Variants in RARB observed in about 807,000 individuals in gnomAD.
The protein encoded by RARB is retinoic acid receptor beta.
In RARB, 17 loss-of-function variants were observed where a neutral mutation model predicts 51.9. That is an observed-to-expected ratio of 0.33 (90% CI 0.22 to 0.49). The LOEUF (loss-of-function observed/expected upper bound fraction) is 0.49. Among genes scored for constraint, RARB ranks in the 20% least tolerant of loss-of-function variants. RARB has a pLI of 0.99. For missense variants in RARB, 369 were observed against 550.8 expected (o/e 0.67, Z 3.30); for synonymous variants, 215 against 195.4 (o/e 1.10, Z -0.84).
At chr3:24,995,117 A>G (rs1462106061) in intron 2 of RARB, among the ~76,000 whole-genome samples, 5 of 152,116 alleles carry the variant, frequency 3.3e-5, no homozygotes. Context: ...CTTCCAATTC[A>G]TGAACGTGAG....
At chr3:24,882,147 A>G (rs1575051956) in intron 2 of RARB, among the ~76,000 whole-genome samples, 1 of 152,266 alleles carries the variant, frequency 6.6e-6, no homozygotes, top group African/African-American at 2.4e-5. Flanking sequence ...GATTTAGTAA[A>G]TAACATTCTG....
chr3:25,307,243 C>T (rs150125335), intron 5 of RARB, among the ~76,000 whole-genome samples: 2,321 of 152,010 alleles, frequency 0.015, 47 homozygotes, highest in African/African-American at 0.049. Context: ...AAAAATTAGC[C>T]GGGTGTGGTG....
At chr3:25,239,958 G>C (rs1448616523) in intron 5 of RARB, among the ~76,000 whole-genome samples, 2 of 151,454 alleles carry the variant, frequency 1.3e-5, no homozygotes, top group African/African-American at 4.8e-5. Flanking sequence ...GATTTCTTCA[G>C]TTTCTTTCAT....
intron 3 of RARB, among the ~76,000 whole-genome samples, chr3:25,100,210 G>A (rs997123162): frequency 6.6e-6 from 1 of 151,982 alleles, no homozygotes; most frequent in Admixed American, 6.5e-5. Context: ...TACAGCCTGG[G>A]GGATGTGAAA....
chr3:24,944,963 CA>C (rs1695743189), intron 2 of RARB, among the ~76,000 whole-genome samples: 1 of 152,122 alleles, frequency 6.6e-6, no homozygotes. Context: ...AAAGTGCCCA[CA>C]AAGCACAAAG....
intron 3 of RARB, among the ~76,000 whole-genome samples, chr3:25,085,279 A>T (rs1249295697): frequency 1.3e-5 from 2 of 152,194 alleles, no homozygotes; most frequent in Non-Finnish European, 2.9e-5. Flanking sequence ...ATGGTAACAC[A>T]TCCTACATTG....
chr3:25,179,633 G>C (rs1197847969), intron 5 of RARB, among the ~76,000 whole-genome samples: 1 of 152,120 alleles, frequency 6.6e-6, no homozygotes, highest in Non-Finnish European at 1.5e-5. Flanking sequence ...CTCCCTCATT[G>C]GCTTAGGGAG....
At chr3:25,555,114 T>G (rs1334874204) in intron 3 of RARB, among the ~76,000 whole-genome samples, 1 of 152,104 alleles carries the variant, frequency 6.6e-6, no homozygotes, top group Non-Finnish European at 1.5e-5. Context: ...CCTGTAAATA[T>G]TTGAATAAAA....
chr3:25,088,738 G>T (rs1699145707), intron 3 of RARB, among the ~76,000 whole-genome samples: 1 of 152,116 alleles, frequency 6.6e-6, no homozygotes, highest in African/African-American at 2.4e-5. Flanking sequence ...AGATATATTT[G>T]CTATTCCAAA....
chr3:25,596,630 T>C lies in RARB; in HGVS notation c.*14T>C. 1 of 1,564,788 alleles carries C rather than the reference T, an allele frequency of 6.4e-7. No homozygotes were observed. The highest frequency in any genetic ancestry group is 1.1e-5 in the South Asian group (1 of 88,802). ...CTCGTGCAATAAGACATTTTCTAGC[T>C]ACTTCAAACATTCCCCAGTACCTTC... On this transcript the variant is annotated 3_prime_UTR_variant, in exon 8 of 8. Coordinates refer to ENST00000330688, the MANE Select transcript of RARB (RefSeq NM_000965.5).
chr3:24,952,732 A>T (rs1037656756), intron 2 of RARB, among the ~76,000 whole-genome samples: 1 of 151,374 alleles, frequency 6.6e-6, no homozygotes, highest in Non-Finnish European at 1.5e-5. Flanking sequence ...ATCTCCTGTC[A>T]CCCTCTTTTT....
chr3:25,159,807 G>C (rs1700445086), intron 4 of RARB, among the ~76,000 whole-genome samples: 1 of 152,128 alleles, frequency 6.6e-6, no homozygotes, highest in South Asian at 2.1e-4. Flanking sequence ...CCTAATGTGA[G>C]GAGGCCAAAC....
intron 1 of RARB, among the ~76,000 whole-genome samples, chr3:24,854,300 T>G (rs955238656): frequency 6.6e-6 from 1 of 152,218 alleles, no homozygotes; most frequent in African/African-American, 2.4e-5. Flanking sequence ...CAACTCATGT[T>G]TCTCAATGTG....
At chr3:24,990,814 A>G (rs1211647042) in intron 2 of RARB, among the ~76,000 whole-genome samples, 2 of 152,156 alleles carry the variant, frequency 1.3e-5, no homozygotes, top group African/African-American at 4.8e-5. Flanking sequence ...CATCCAACAA[A>G]TCCCACATGG....
intron 2 of RARB, among the ~76,000 whole-genome samples, chr3:25,036,397 G>A (rs1247228910): frequency 6.6e-6 from 1 of 152,108 alleles, no homozygotes; most frequent in Non-Finnish European, 1.5e-5. Flanking sequence ...CCGTAAAAAT[G>A]TATAGCATTT....
At chr3:25,562,525 A>G (rs1700315345) in intron 3 of RARB, among the ~76,000 whole-genome samples, 1 of 152,218 alleles carries the variant, frequency 6.6e-6, no homozygotes, top group Admixed American at 6.5e-5. Flanking sequence ...AAATGTACAA[A>G]GAAGCACCGC....
chr3:25,158,118 A>G (rs894164328), intron 4 of RARB, among the ~76,000 whole-genome samples: 1 of 152,246 alleles, frequency 6.6e-6, no homozygotes. Flanking sequence ...CAGCAAAGAA[A>G]CATTACTGCT....
intron 4 of RARB, among the ~76,000 whole-genome samples, chr3:25,159,923 G>A (rs1163789601): frequency 6.6e-6 from 1 of 152,024 alleles, no homozygotes; most frequent in Non-Finnish European, 1.5e-5. Context: ...CTTTATTTTG[G>A]GGGAAGAGAA....
chr3:24,851,214 G>A (rs1276255372), intron 1 of RARB, among the ~76,000 whole-genome samples: 1 of 152,068 alleles, frequency 6.6e-6, no homozygotes, highest in East Asian at 1.9e-4. Flanking sequence ...AATTGCTTGA[G>A]CTCAGGAGTT....
Sources: gnomAD v4.1 joint callset for allele counts (sites outside exome capture counted in the v4.1 genomes callset) on GRCh38, gnomAD v4.1.1 for gene constraint, MANE v1.5 for transcripts, NCBI Gene and HGNC (gene_info 2026-07-23, HGNC 2026-07-21) for gene names.